EXOC6B: variants seen among roughly 807,000 people sequenced by gnomAD.
EXOC6B encodes the protein exocyst complex component 6B, also known as SEC15 homolog B.
EXOC6B carries 54 observed loss-of-function variants against 113.5 expected under a neutral mutation model. The ratio of observed to expected loss-of-function variants is 0.48; its 90% CI spans 0.38 to 0.60. The LOEUF (loss-of-function observed/expected upper bound fraction) is 0.60. EXOC6B is among the 20% of genes least tolerant of loss of function. EXOC6B has a pLI of 0.00. For synonymous variants in EXOC6B, 357 were observed against 339.0 expected, an observed-to-expected ratio of 1.05 and a Z score of -0.58; for missense variants, 797 against 977.5, an observed-to-expected ratio of 0.82 and a Z score of 2.46.
At position 72,737,452 on chromosome 2, in the gene EXOC6B, G is replaced by T. The variant is rs370458366; in HGVS notation, c.279+3852C>A. 3.5e-4 allele frequency among the ~76,000 whole-genome samples: 53 copies of T among 152,254 alleles called. No individual in the cohort carries two copies. The East Asian group carries it at 8.7e-3, about 25-fold the overall frequency. On this transcript the variant is annotated intron_variant, in intron 2 of 21. Transcript: ENST00000272427. ...TTGTATCACCTACTTATGAGAAAAG[G>T]TTCTCTTGAATAGTGTCTATGAGAA...
intron 6 of EXOC6B, among the ~76,000 whole-genome samples, chr2:72,580,833 A>G (rs1705176526): frequency 6.6e-6 from 1 of 152,202 alleles, no homozygotes; most frequent in African/African-American, 2.4e-5. Context: ...CTTGAAAAGG[A>G]GCTGACAGAA....
chr2:72,390,746 G>A (rs1273783020), intron 18 of EXOC6B, among the ~76,000 whole-genome samples: 1 of 152,048 alleles, frequency 6.6e-6, no homozygotes, highest in Non-Finnish European at 1.5e-5. Flanking sequence ...CAGTTCAGTG[G>A]GGCCTTCACC....
chr2:72,278,240 A>T (rs1318633435), intron 20 of EXOC6B, among the ~76,000 whole-genome samples: 2 of 152,158 alleles, frequency 1.3e-5, no homozygotes, highest in Admixed American at 6.6e-5. Context: ...ATCATATGAG[A>T]CTAGTCATCA....
chr2:72,704,622 G>C (rs377366668), intron 6 of EXOC6B, among the ~76,000 whole-genome samples: 1 of 152,074 alleles, frequency 6.6e-6, no homozygotes, highest in African/African-American at 2.4e-5. Context: ...TCAAATAGAC[G>C]CAATAAAAAA....
At chr2:72,448,274 T>A (rs1470173524) in intron 18 of EXOC6B, among the ~76,000 whole-genome samples, 2 of 152,186 alleles carry the variant, frequency 1.3e-5, no homozygotes, top group Non-Finnish European at 2.9e-5. Flanking sequence ...CAAACTGTTA[T>A]ATAATTTTTT....
Position 72,718,143 on chromosome 2 carries a change from C to A in EXOC6B, c.629G>T (p.Arg210Leu). 1 of 1,613,034 alleles carries A rather than the reference C, an allele frequency of 6.2e-7. No homozygotes were observed. The highest frequency in any genetic ancestry group is 8.5e-7 in the Non-Finnish European group (1 of 1,179,374). ...SDLKDFLESI[R>L]KHSDKIGETA... ...CTCTCCAATTTTGTCTGAATGTTTG[C>A]GGATGCTCTCCAGAAAGTCTTTGAG... is the stretch of plus-strand genomic sequence containing the variant. The change falls in exon 6 of 22, where the codon CGC becomes CTC. Residue 210 changes from arginine (R) to leucine (L), a missense_variant. Transcript: ENST00000272427.
At chr2:72,422,351 A>G (rs1289198274) in intron 18 of EXOC6B, among the ~76,000 whole-genome samples, 1 of 152,164 alleles carries the variant, frequency 6.6e-6, no homozygotes, top group East Asian at 1.9e-4. Flanking sequence ...AAACACCCCA[A>G]TCAGCACCCT....
chr2:72,291,034 C>T (rs1194480827), intron 20 of EXOC6B, among the ~76,000 whole-genome samples: 3 of 152,072 alleles, frequency 2.0e-5, no homozygotes, highest in African/African-American at 7.2e-5. Context: ...CCAGAGAGGG[C>T]TGATAATGAG....
intron 20 of EXOC6B, among the ~76,000 whole-genome samples, chr2:72,251,643 C>T (rs1212275863): frequency 6.6e-6 from 1 of 152,090 alleles, no homozygotes; most frequent in East Asian, 1.9e-4. Flanking sequence ...ACAACTGAGT[C>T]CCAGGCAAAT....
At chr2:72,810,043 G>A (rs1244681832) in intron 1 of EXOC6B, among the ~76,000 whole-genome samples, 4 of 152,050 alleles carry the variant, frequency 2.6e-5, no homozygotes, top group African/African-American at 9.7e-5. Flanking sequence ...ATCATATACA[G>A]TATGTTCTCC....
intron 19 of EXOC6B, among the ~76,000 whole-genome samples, chr2:72,348,517 G>C (rs1689462600): frequency 6.6e-6 from 1 of 151,670 alleles, no homozygotes; most frequent in African/African-American, 2.4e-5. Context: ...TCTCATTTTT[G>C]CTTTCTTATA....
chr2:72,465,033 T>G, intron 18 of EXOC6B, 127 bp downstream of exon 18: 1 of 719,538 alleles, frequency 1.4e-6, no homozygotes, highest in Non-Finnish European at 2.4e-6. Flanking sequence ...TTAATAAATA[T>G]AGCATGCGCC....
At chr2:72,320,907 T>G (rs1486779150) in intron 20 of EXOC6B, among the ~76,000 whole-genome samples, 2 of 152,074 alleles carry the variant, frequency 1.3e-5, no homozygotes, top group Non-Finnish European at 2.9e-5. Flanking sequence ...ACAAATACAT[T>G]AAACACAGAA....
intron 1 of EXOC6B, among the ~76,000 whole-genome samples, chr2:72,802,772 GA>G (rs1222309353): frequency 1.3e-5 from 2 of 152,086 alleles, no homozygotes; most frequent in Non-Finnish European, 2.9e-5. Context: ...ATACAGAAGA[GA>G]ACAATTTTAT....
chr2:72,802,872 T>C (rs1685370694), intron 1 of EXOC6B, among the ~76,000 whole-genome samples: 1 of 152,194 alleles, frequency 6.6e-6, no homozygotes, highest in Non-Finnish European at 1.5e-5. Flanking sequence ...TCTCAGGCCC[T>C]ACCCCAGACC....
chr2:72,559,566 A>G lies in EXOC6B; in HGVS notation c.847-45T>C, dbSNP rs754373282. On this transcript the variant is annotated intron_variant, in intron 7 of 21. Coordinates refer to ENST00000272427, the MANE Select transcript of EXOC6B (RefSeq NM_015189.3). ...ACAAAAAAATTCAAACAAAGCTATT[A>G]AAAGCAACTACATTAATTGTTACTA... is the stretch of plus-strand genomic sequence containing the variant. 2.7e-6 allele frequency: 4 copies of G among 1,491,854 alleles called. No individual in the cohort carries two copies. In the African/African-American group the frequency reaches 4.2e-5, roughly 16 times the overall value. 92.4% of individuals were successfully genotyped at this position (1,491,854 alleles called of 1,614,324 possible). A position where few individuals can be genotyped will look rare whatever the true frequency, so the allele number is the denominator to read the frequency against.
At chr2:72,423,289 A>G (rs1695015150) in intron 18 of EXOC6B, among the ~76,000 whole-genome samples, 1 of 151,942 alleles carries the variant, frequency 6.6e-6, no homozygotes, top group African/African-American at 2.4e-5. Context: ...CAGAAGGGAC[A>G]GACTCCAGAC....
chr2:72,430,326 G>A (rs1010118280), intron 18 of EXOC6B, among the ~76,000 whole-genome samples: 1 of 152,178 alleles, frequency 6.6e-6, no homozygotes, highest in Non-Finnish European at 1.5e-5. Context: ...GTAAAAAGAT[G>A]TAACTGTAAA....
At chr2:72,476,640 T>C (rs940272643) in intron 17 of EXOC6B, among the ~76,000 whole-genome samples, 2 of 146,812 alleles carry the variant, frequency 1.4e-5, no homozygotes, top group Non-Finnish European at 3.0e-5. Flanking sequence ...TACTTTCATC[T>C]TTTCTTTTCC....
Sources: allele counts gnomAD v4.1 joint callset (sites outside exome capture counted in the v4.1 genomes callset), GRCh38; gene constraint gnomAD v4.1.1; transcripts MANE v1.5; gene names NCBI Gene and HGNC (gene_info 2026-07-23, HGNC 2026-07-21).